The following CHD2 variants were observed in gnomAD, a reference collection of about 807,000 sequenced individuals.
The protein encoded by CHD2 is chromodomain helicase DNA binding protein 2.
CHD2 carries 28 observed loss-of-function variants against 243.9 expected under a neutral mutation model. The ratio of observed to expected loss-of-function variants is 0.11; its 90% confidence interval spans 0.09 to 0.16. The LOEUF (loss-of-function observed/expected upper bound fraction) is 0.16. CHD2 is among the 10% of genes least tolerant of loss of function. CHD2 has a pLI of 1.00. For synonymous variants in CHD2, 775 were observed against 779.0 expected (o/e 0.99, Z 0.09); for missense variants, 1,386 against 2,209.8 (o/e 0.63, Z 7.47).
At position 92,959,136 on chromosome 15, in the gene CHD2, G is replaced by A. The variant is rs555570089; in HGVS notation, c.2000+2487G>A. ...ATTTCTTTGTATGGATTGTGCTTTA[G>A]ATATCATATCTGACACAGATTTGCC... On this transcript the variant is annotated intron_variant, in intron 16 of 38. Transcript: ENST00000394196. Among the ~76,000 whole-genome samples, 22 of 152,276 alleles carry A rather than the reference G, an allele frequency of 1.4e-4. No individual in the cohort carries two copies. The South Asian group carries it at 4.6e-3, about 32-fold the overall frequency.
rs1213924657 is a variant in CHD2, at chr15:93,026,974, T to C, written c.*2269T>C. 1 of 152,646 alleles carries C rather than the reference T, an allele frequency of 6.6e-6. No homozygotes were observed. Among genetic ancestry groups the C allele is most frequent in the Non-Finnish European group, 1.5e-5 (1 of 68,044 alleles). 9.5% of individuals were successfully genotyped at this position (152,646 alleles called of 1,614,324 possible). A position where few individuals can be genotyped will look rare whatever the true frequency, so the allele number is the denominator to read the frequency against. On this transcript the variant is annotated 3_prime_UTR_variant, in exon 39 of 39. Transcript: ENST00000394196. Reference sequence around the variant, plus strand: ...ATGTGAGTTATGCCCAGAGATGTCTTATCGTGAGGAAAAAGAAACTTCCTT... The same window carrying C: ...ATGTGAGTTATGCCCAGAGATGTCTCATCGTGAGGAAAAAGAAACTTCCTT...
chr15:92,901,259 A>T lies in CHD2; in HGVS notation c.22A>T (p.Ser8Cys), dbSNP rs2052524639. The stretch of plus-strand genomic sequence containing the variant: ...AAAGATGATGAGAAATAAGGACAAA[A>T]GCCAAGAGGAGGACAGTTCGCTACA... MMRNKDK[S>C]QEEDSSLHSN... Residue 8 changes from serine to cysteine, a missense_variant, in exon 2 of 39, where the codon AGC (serine) becomes TGC (cysteine). Ser to Cys is a moderately radical substitution (Grantham distance 112). Transcript: ENST00000394196. 6.2e-7 allele frequency: 1 copy of T among 1,604,820 alleles called. No individual in the cohort carries two copies. Among genetic ancestry groups the T allele is most frequent in the Non-Finnish European group, 8.5e-7 (1 of 1,172,132 alleles).
chr15:92,941,146 C>T (rs1185882659), intron 7 of CHD2, among the ~76,000 whole-genome samples: 1 of 150,740 alleles, frequency 6.6e-6, no homozygotes. Context: ...GGATTACAGG[C>T]GCCCACCATG....
Position 93,020,163 on chromosome 15 carries a change from C to A in CHD2, c.5058C>A (p.Ser1686=). 6.2e-7 allele frequency: 1 copy of A among 1,614,018 alleles called. No homozygotes were observed. ...GDRRHMDAHR[S]GSYRPNNMSR... ...GGCGACATATGGATGCCCACCGTTC[C>A]GGAAGCTATCGACCCAACAACATGT... The change falls in exon 38 of 39, where the codon TCC becomes TCA. Residue 1686 remains serine (S), a synonymous_variant. Transcript: ENST00000394196.
rs1478792629 is a variant in CHD2, at chr15:92,985,712, G to A, written c.3413+39G>A. On this transcript the variant is annotated intron_variant, in intron 26 of 38. Transcript: ENST00000394196. The stretch of plus-strand genomic sequence containing the variant: ...CTGTTCTCACTGAGCTTGTTTGAAA[G>A]TGCGTACTGTAAGTCTTGGGTTGAC... The A allele has an allele frequency of 4.4e-6, 7 of 1,579,766 alleles. No individual in the cohort carries two copies. The East Asian group carries it at 1.1e-4, about 25-fold the overall frequency.
intron 37 of CHD2, among the ~76,000 whole-genome samples, chr15:93,018,684 C>CA (rs1949024141): frequency 6.6e-6 from 1 of 152,242 alleles, no homozygotes; most frequent in Non-Finnish European, 1.5e-5. Context: ...AAAGCTGTTC[C>CA]ATGCCTCTCT....
At chr15:92,970,876 C>T (rs1478460424) in intron 17 of CHD2, among the ~76,000 whole-genome samples, 19 of 152,124 alleles carry the variant, frequency 1.2e-4, no homozygotes, top group South Asian at 1.2e-3. Flanking sequence ...GAAGAAATTG[C>T]GCCACTCAGG....
At chr15:92,904,400 C>T (rs2052579031) in intron 2 of CHD2, 5 of 971,130 alleles carry the variant, frequency 5.1e-6, no homozygotes, top group African/African-American at 1.8e-5. Flanking sequence ...GACGGCTCCC[C>T]TGGGGGGCGG....
chr15:92,925,669 G>A (rs1323459136), intron 3 of CHD2, among the ~76,000 whole-genome samples: 3 of 152,064 alleles, frequency 2.0e-5, no homozygotes, highest in Admixed American at 6.6e-5. Context: ...TCCTTTCTCT[G>A]CCAGGTTTTT....
At chr15:92,905,694 T>G (rs1032635505) in intron 2 of CHD2, among the ~76,000 whole-genome samples, 2 of 152,242 alleles carry the variant, frequency 1.3e-5, no homozygotes, top group Non-Finnish European at 2.9e-5. Flanking sequence ...TTGGATAGTT[T>G]GTGAAAACTA....
At chr15:92,935,953 CAAAG>C (rs2053260065) in intron 5 of CHD2, among the ~76,000 whole-genome samples, 1 of 151,268 alleles carries the variant, frequency 6.6e-6, no homozygotes. Context: ...TTTAACCTAA[CAAAG>C]AAACATCTCC....
intron 5 of CHD2, among the ~76,000 whole-genome samples, chr15:92,929,462 T>A (rs2053124933): frequency 6.6e-6 from 1 of 152,212 alleles, no homozygotes; most frequent in African/African-American, 2.4e-5. Context: ...ATTTGCTATT[T>A]TTATGGCAAA....
At chr15:92,902,461 AAAT>A (rs1384584538) in intron 2 of CHD2, 15 of 311,054 alleles carry the variant, frequency 4.8e-5, no homozygotes, top group Admixed American at 1.5e-4. Flanking sequence ...TAATTTTTAT[AAAT>A]AATACACTTT....
At chr15:92,948,268 A>C (rs1223940951) in intron 12 of CHD2, among the ~76,000 whole-genome samples, 1 of 152,136 alleles carries the variant, frequency 6.6e-6, no homozygotes, top group African/African-American at 2.4e-5. Context: ...GGTGAAGATC[A>C]ACTGTATTTA....
In CHD2 at chr15:92,940,802, A is replaced by AATATAT. The variant is rs1297051197; in HGVS notation, c.693-1017_693-1016insTATATA. ...AATATAAAAAATATATAAATATATA[A>AATATAT]ATAAATATAAATATATATAAATATT... On this transcript the variant is annotated intron_variant, in intron 7 of 38. Coordinates refer to ENST00000394196, the MANE Select transcript of CHD2 (RefSeq NM_001271.4). Among the ~76,000 whole-genome samples, 897 of 141,460 alleles carry AATATAT rather than the reference A, an allele frequency of 6.3e-3. 43 individuals carry two copies. The highest frequency in any genetic ancestry group is 0.013 in the South Asian group (60 of 4,588). The allele number at this position is 141,460 out of a possible 152,430, so 92.8% of individuals were successfully genotyped here.
Position 93,024,484 on chromosome 15 carries a change from C to T in CHD2, c.5266C>T (p.Gln1756Ter). 1 of 1,614,206 alleles carries T rather than the reference C, an allele frequency of 6.2e-7. No individual in the cohort carries two copies. Among genetic ancestry groups the T allele is most frequent in the Non-Finnish European group, 8.5e-7 (1 of 1,180,042 alleles). ...DHRPAMGYHG[Q>*]GPSDHYRSFH... ...CCGCCCCGCTATGGGCTACCATGGCCAGGGACCCTCAGACCATTACCGCTC... is the reference window on the plus strand; with the variant it reads ...CCGCCCCGCTATGGGCTACCATGGCTAGGGACCCTCAGACCATTACCGCTC... Residue 1756 changes from glutamine to a stop codon, truncating the protein, a stop_gained, in exon 39 of 39, where the codon CAG (glutamine) becomes TAG (stop). Coordinates refer to ENST00000394196, the MANE Select transcript of CHD2 (RefSeq NM_001271.4). LOFTEE classifies it high-confidence loss of function.
At chr15:93,013,165 G>GC (rs1362782918) in intron 36 of CHD2, among the ~76,000 whole-genome samples, 1 of 152,210 alleles carries the variant, frequency 6.6e-6, no homozygotes, top group Non-Finnish European at 1.5e-5. Flanking sequence ...GTTATGCTGT[G>GC]CCCAGTGCTG....
chr15:92,954,723 C>G (rs1376581011), intron 14 of CHD2, among the ~76,000 whole-genome samples: 3 of 152,184 alleles, frequency 2.0e-5, no homozygotes, highest in South Asian at 4.1e-4. Context: ...GTTTTCCTTG[C>G]TATCTCCAGT....
At position 93,014,794 on chromosome 15, in the gene CHD2, C is replaced by T. The variant is rs560317096; in HGVS notation, c.4791C>T (p.Thr1597=). The change falls in exon 37 of 39, where the codon ACC becomes ACT. Residue 1597 remains threonine, a synonymous_variant. Coordinates refer to ENST00000394196, the MANE Select transcript of CHD2 (RefSeq NM_001271.4). ...ACTCTCTGATATCTCAGTCCCATAC[C>T]TCACACAACCTTCACCCTCAGAAGC... The part of the protein sequence containing the change: ...SRDSLISQSH[T]SHNLHPQKPH... 5.6e-6 allele frequency: 9 copies of T among 1,614,026 alleles called. No individual in the cohort carries two copies. Among genetic ancestry groups the T allele is most frequent in the East Asian group, 4.5e-5 (2 of 44,898 alleles).
Sources: gnomAD v4.1 joint callset for allele counts (sites outside exome capture counted in the v4.1 genomes callset) on GRCh38, gnomAD v4.1.1 for gene constraint, MANE v1.5 for transcripts, NCBI Gene and HGNC (gene_info 2026-07-23, HGNC 2026-07-21) for gene names.